NOCT: variants seen among roughly 807,000 people sequenced by gnomAD.
NOCT encodes the protein CCR4 carbon catabolite repression 4-like.
NOCT carries 18 observed loss-of-function variants against 35.0 expected under a neutral mutation model. That is an observed-to-expected ratio of 0.51 (90% CI 0.36 to 0.76). The LOEUF (loss-of-function observed/expected upper bound fraction) is 0.76. NOCT is among the 30% of genes least tolerant of loss of function. The pLI is 0.01. For missense variants in NOCT, 479 were observed against 541.0 expected (o/e 0.89, Z 1.14); for synonymous variants, 235 against 226.3 (o/e 1.04, Z -0.34).
rs527715501 is a variant in NOCT at position 139,040,494 on chromosome 4, G to A, written c.191-2580G>A. 9.9e-5 allele frequency among the ~76,000 whole-genome samples: 15 copies of A among 152,264 alleles called. No homozygotes were observed. The South Asian group carries it at 2.9e-3, about 29-fold the overall frequency. On this transcript the variant is annotated intron_variant, in intron 1 of 2. Transcript: ENST00000280614. ...GATTTTTCTAAATTTTTAGAAGGAA[G>A]TGTGGTTCAGGATTGCTTTTCTGAT...
At chr4:139,036,408 T>G (rs1316978822) in intron 1 of NOCT, among the ~76,000 whole-genome samples, 1 of 152,146 alleles carries the variant, frequency 6.6e-6, no homozygotes, top group African/African-American at 2.4e-5. Context: ...ACTCAAAGAT[T>G]TGACAAAAAA....
At chr4:139,023,499 ATATTT>A (rs1269804943) in intron 1 of NOCT, among the ~76,000 whole-genome samples, 1 of 151,864 alleles carries the variant, frequency 6.6e-6, no homozygotes, top group Non-Finnish European at 1.5e-5. Context: ...AATTAGTTTA[ATATTT>A]TATTTTTTTG....
chr4:139,039,171 A>C (rs1726789728), intron 1 of NOCT, among the ~76,000 whole-genome samples: 1 of 12,238 alleles, frequency 8.2e-5, no homozygotes, highest in African/African-American at 1.9e-4. Context: ...ACTCCATTTC[A>C]AAAAAAAAAA....
At chr4:139,025,180 C>G (rs538352697) in intron 1 of NOCT, among the ~76,000 whole-genome samples, 90 of 152,210 alleles carry the variant, frequency 5.9e-4, no homozygotes, top group African/African-American at 2.0e-3. Context: ...TTCTTTGGTT[C>G]TATGGAGCAA....
chr4:139,024,045 CTTTTTTTTTTTT>C (rs368349308), intron 1 of NOCT, among the ~76,000 whole-genome samples: 1 of 130,998 alleles, frequency 7.6e-6, no homozygotes, highest in African/African-American at 2.9e-5. Flanking sequence ...TCTATTCATC[CTTTTTTTTTTTT>C]TTTTTTTTTA....
intron 1 of NOCT, among the ~76,000 whole-genome samples, chr4:139,034,024 AGC>A (rs1350696487): frequency 6.6e-6 from 1 of 152,140 alleles, no homozygotes; most frequent in Non-Finnish European, 1.5e-5. Flanking sequence ...TGGCATAATA[AGC>A]GTATCTGCTT....
At chr4:139,022,048 C>G (rs1726425335) in intron 1 of NOCT, among the ~76,000 whole-genome samples, 1 of 152,102 alleles carries the variant, frequency 6.6e-6, no homozygotes, top group African/African-American at 2.4e-5. Context: ...TGTGAGCCAC[C>G]ACGCCCGGCC....
intron 1 of NOCT, among the ~76,000 whole-genome samples, chr4:139,040,865 G>A (rs1278762376): frequency 6.6e-6 from 1 of 151,860 alleles, no homozygotes; most frequent in Non-Finnish European, 1.5e-5. Flanking sequence ...TTGGATGTTT[G>A]GCTGTTTTTT....
intron 1 of NOCT, among the ~76,000 whole-genome samples, chr4:139,036,942 C>T (rs543270120): frequency 2.0e-5 from 3 of 152,206 alleles, no homozygotes; most frequent in Admixed American, 6.5e-5. Context: ...ACAGGGGAGT[C>T]CATCAGTAAG....
Position 139,045,580 on chromosome 4 carries a change from G to GT in NOCT, c.*106_*107insT. 1.6e-6 allele frequency: 1 copy of GT among 621,284 alleles called. No individual in the cohort carries two copies. The highest frequency in any genetic ancestry group is 2.6e-6 in the Non-Finnish European group (1 of 390,836). 38.5% of individuals were successfully genotyped at this position (621,284 alleles called of 1,614,324 possible). A position where few individuals can be genotyped will look rare whatever the true frequency, so the allele number is the denominator to read the frequency against. On this transcript the variant is annotated 3_prime_UTR_variant, in exon 3 of 3. Coordinates refer to ENST00000280614, the MANE Select transcript of NOCT (RefSeq NM_012118.4). ...TGCCTAGGCTGGAGTACAGTGGCCT[G>GT]ATCTCGGCTCACTGCAAGATCCGCC...
At chr4:139,024,104 A>T (rs946330714) in intron 1 of NOCT, among the ~76,000 whole-genome samples, 9 of 143,952 alleles carry the variant, frequency 6.3e-5, no homozygotes, top group African/African-American at 2.4e-4. Flanking sequence ...TTTGTCACCC[A>T]GGCTGGAGTG....
At position 139,023,603 on chromosome 4, in the gene NOCT, C is replaced by T. The variant is rs376369154; in HGVS notation, c.190+7432C>T. Reference sequence around the variant, plus strand: ...CTCCGTCTCCCGGGTTCAAGCGATTCTCCTGCCTCAGCCTCCCGAGTAGCT... The same window carrying T: ...CTCCGTCTCCCGGGTTCAAGCGATTTTCCTGCCTCAGCCTCCCGAGTAGCT... On this transcript the variant is annotated intron_variant, in intron 1 of 2. Coordinates refer to ENST00000280614, the MANE Select transcript of NOCT (RefSeq NM_012118.4). 5.3e-5 allele frequency among the ~76,000 whole-genome samples: 8 copies of T among 152,312 alleles called. No individual in the cohort carries two copies. In the South Asian group the frequency reaches 1.7e-3, roughly 32 times the overall value.
chr4:139,028,361 AG>A (rs1187051005), intron 1 of NOCT: 5 of 152,168 alleles, frequency 3.3e-5, no homozygotes, highest in Non-Finnish European at 7.3e-5. Flanking sequence ...TGGCAAAGAG[AG>A]GTTGTTTGGA....
rs76417445 is a variant in NOCT at position 139,040,999 on chromosome 4, T to C, written c.191-2075T>C. On this transcript the variant is annotated intron_variant, in intron 1 of 2. Transcript: ENST00000280614. ...CTTTGGACCCATGTACTCATGTATT[T>C]ATCAATTAAAATGAAATTATTGAAA... Among the ~76,000 whole-genome samples the C allele has an allele frequency of 6.4e-4, 98 of 152,356 alleles. 1 individual carries two copies. The highest frequency in any genetic ancestry group is 2.1e-3 in the African/African-American group (87 of 41,582).
chr4:139,021,449 T>A (rs1170956103), intron 1 of NOCT, among the ~76,000 whole-genome samples: 1 of 152,056 alleles, frequency 6.6e-6, no homozygotes, highest in Non-Finnish European at 1.5e-5. Context: ...AGAAACCCCA[T>A]TTCTACTAAA....
At position 139,045,390 on chromosome 4, in the gene NOCT, G is replaced by C. The variant is rs1461445562; in HGVS notation, c.1212G>C (p.Arg404Ser). ...LLTEEQIGPNRLPSFNYPSDH... is the reference protein window; with the variant it reads ...LLTEEQIGPNSLPSFNYPSDH... The stretch of plus-strand genomic sequence containing the variant: ...CTGAAGAACAGATTGGACCCAACAG[G>C]TTACCTTCCTTCAATTATCCTTCAG... The change falls in exon 3 of 3, where the codon AGG (arginine) becomes AGC (serine). Residue 404 changes from arginine (R) to serine (S), a missense_variant. Coordinates refer to ENST00000280614, the MANE Select transcript of NOCT (RefSeq NM_012118.4). The C allele has an allele frequency of 6.2e-7, 1 of 1,613,920 alleles. No individual in the cohort carries two copies. Among genetic ancestry groups the C allele is most frequent in the Non-Finnish European group, 8.5e-7 (1 of 1,179,980 alleles).
intron 2 of NOCT, chr4:139,044,003 T>TATATATATATATATATATATAC (rs1405359118): frequency 6.2e-4 from 91 of 147,044 alleles, no homozygotes; most frequent in African/African-American, 2.2e-3. Flanking sequence ...TATATATATA[T>TATATATATATATATATATATAC]ACACTTTGTT....
At chr4:139,035,505 TTTAGA>T (rs1726714340) in intron 1 of NOCT, among the ~76,000 whole-genome samples, 1 of 152,172 alleles carries the variant, frequency 6.6e-6, no homozygotes, top group African/African-American at 2.4e-5. Context: ...TGGATCCAAC[TTTAGA>T]TTGATTGAGA....
chr4:139,021,492 C>G (rs1000553328), intron 1 of NOCT, among the ~76,000 whole-genome samples: 5 of 151,696 alleles, frequency 3.3e-5, no homozygotes, highest in Non-Finnish European at 7.4e-5. Context: ...GTGGCACGCA[C>G]CTGTAATCCC....
Sources: gnomAD v4.1 joint callset for allele counts (sites outside exome capture counted in the v4.1 genomes callset) on GRCh38, gnomAD v4.1.1 for gene constraint, MANE v1.5 for transcripts, NCBI Gene and HGNC (gene_info 2026-07-23, HGNC 2026-07-21) for gene names.